CTBP1: variants seen among roughly 807,000 people sequenced by gnomAD.
CTBP1 encodes the protein C-terminal binding protein 1.
Under a neutral mutation model 42.1 loss-of-function variants are expected in CTBP1, and 11 were observed. The ratio of observed to expected loss-of-function variants is 0.26; its 90% confidence interval spans 0.16 to 0.43. The LOEUF (loss-of-function observed/expected upper bound fraction) is 0.43. Ranked by LOEUF, CTBP1 falls within the 20% of genes least tolerant of loss-of-function variation. The pLI is 1.00. For missense variants in CTBP1, 399 were observed against 624.3 expected (o/e 0.64, Z 3.85); for synonymous variants, 324 against 277.1 (o/e 1.17, Z -1.68).
rs1336971342 is a variant in CTBP1 at position 1,238,774 on chromosome 4, G to A, written c.8-437C>T. Among the ~76,000 whole-genome samples the A allele has an allele frequency of 6.7e-6, 1 of 150,336 alleles. No individual in the cohort carries two copies. Among genetic ancestry groups the A allele is most frequent in the African/African-American group, 2.5e-5 (1 of 40,790 alleles). ...TTCCAGACCCACCGAGACACCTCCCGACCCTCCTAGGCCCTCCAAGACCCT... is the reference window on the plus strand; with the variant it reads ...TTCCAGACCCACCGAGACACCTCCCAACCCTCCTAGGCCCTCCAAGACCCT... On this transcript the variant is annotated intron_variant, in intron 2 of 9. Transcript: ENST00000382952. This position sits in a 1 kb window ranked among gnomAD's most constrained non-coding sequence, Gnocchi z 5.9.
At chr4:1,234,676 G>A (rs936406081) in intron 3 of CTBP1, 10 of 152,214 alleles carry the variant, frequency 6.6e-5, no homozygotes, top group Admixed American at 2.6e-4. Flanking sequence ...TATTGTTTAC[G>A]ACACCAAAAG....
intron 5 of CTBP1, among the ~76,000 whole-genome samples, chr4:1,224,872 G>A (rs543345263): frequency 1.3e-5 from 2 of 152,062 alleles, no homozygotes; most frequent in East Asian, 3.9e-4. Context: ...TGGCATCTAT[G>A]ACATCCGTGC....
At chr4:1,214,512 C>T in intron 6 of CTBP1, 39 bp from the exon 7 acceptor site, 2 of 1,531,686 alleles carry the variant, frequency 1.3e-6, no homozygotes, top group Non-Finnish European at 1.7e-6. Flanking sequence ...AGTCAGGGAT[C>T]CGCACAGGGC....
Position 1,216,565 on chromosome 4 carries a change from C to T in CTBP1, c.515-360G>A, listed in dbSNP as rs114158996. The T allele has an allele frequency of 5.5e-4, 215 of 391,056 alleles. 2 individuals are homozygous for T. Among genetic ancestry groups the T allele is most frequent in the African/African-American group, 3.4e-3 (170 of 49,652 alleles). The allele number at this position is 391,056 out of a possible 1,614,324, so 24.2% of individuals were successfully genotyped here. A position where few individuals can be genotyped will look rare whatever the true frequency, so the allele number is the denominator to read the frequency against. On this transcript the variant is annotated intron_variant, in intron 5 of 9. Coordinates refer to ENST00000382952, the MANE Select transcript of CTBP1 (RefSeq NM_001012614.2). ...CTCCACCCACCCAACACATGTCCTC[C>T]GTGCCCAGGCCCCTCCGCTGGCCTT...
chr4:1,222,683 C>T (rs1301029219), intron 5 of CTBP1, among the ~76,000 whole-genome samples: 3 of 152,154 alleles, frequency 2.0e-5, no homozygotes, highest in Non-Finnish European at 4.4e-5. Flanking sequence ...GAGGGCATCC[C>T]GACCTGGGTG....
chr4:1,214,198 C>A lies in CTBP1; in HGVS notation c.860+145G>T, dbSNP rs557957046. On this transcript the variant is annotated intron_variant, in intron 7 of 9. Transcript: ENST00000382952. ...CCGTGGCTCCATCCTCACCCCGCAG[C>A]GGGCGGCAAACTCCCCCACTGCTGG... 83 of 1,092,708 alleles carry A rather than the reference C, an allele frequency of 7.6e-5. No homozygotes were observed. In the African/African-American group the frequency reaches 1.1e-3, roughly 14 times the overall value. 67.7% of individuals were successfully genotyped at this position (1,092,708 alleles called of 1,614,324 possible).
rs919699281 is a variant in CTBP1, at chr4:1,238,761, C to T, written c.8-424G>A. On this transcript the variant is annotated intron_variant, in intron 2 of 9. Coordinates refer to ENST00000382952, the MANE Select transcript of CTBP1 (RefSeq NM_001012614.2). This position sits in a 1 kb window ranked among gnomAD's most constrained non-coding sequence, Gnocchi z 5.9. The stretch of plus-strand genomic sequence containing the variant: ...CTCCCCAAGACATTTCCAGACCCAC[C>T]GAGACACCTCCCGACCCTCCTAGGC... 9.9e-5 allele frequency among the ~76,000 whole-genome samples: 15 copies of T among 151,364 alleles called. No homozygotes were observed. The highest frequency in any genetic ancestry group is 1.9e-4 in the East Asian group (1 of 5,130).
intron 1 of CTBP1, chr4:1,245,735 C>T (rs1221005859): frequency 9.4e-6 from 9 of 960,486 alleles, no homozygotes; most frequent in Admixed American, 6.2e-5. Context: ...CAGGGTGGCA[C>T]GTGTGGGTAG....
intron 1 of CTBP1, chr4:1,243,533 A>AG: frequency 2.0e-6 from 2 of 985,366 alleles, no homozygotes; most frequent in Non-Finnish European, 2.4e-6. Flanking sequence ...GCCCTGGGGT[A>AG]GGTCTGCCCA....
At chr4:1,216,351 C>A (rs914424653) in intron 5 of CTBP1, 146 bp from the exon 6 acceptor site, 1 of 787,264 alleles carries the variant, frequency 1.3e-6, no homozygotes, top group Non-Finnish European at 2.0e-6. Context: ...AAGGTGCCCA[C>A]GCACGCTCCA....
At chr4:1,242,721 G>A (rs895115900) in intron 1 of CTBP1, 8 of 985,034 alleles carry the variant, frequency 8.1e-6, no homozygotes, top group African/African-American at 7.0e-5. Context: ...CATCACCTGC[G>A]CCTGAGCCCC....
At chr4:1,215,445 G>T in intron 6 of CTBP1, 2 of 201,356 alleles carry the variant, frequency 9.9e-6, no homozygotes, top group East Asian at 2.6e-4. Flanking sequence ...CCAGCGGGAG[G>T]CAGCCATCCC....
At chr4:1,223,814 C>G (rs989299785) in intron 5 of CTBP1, among the ~76,000 whole-genome samples, 1 of 152,200 alleles carries the variant, frequency 6.6e-6, no homozygotes, top group Non-Finnish European at 1.5e-5. Flanking sequence ...ATCTCACACA[C>G]GCACACACAC....
intron 1 of CTBP1, among the ~76,000 whole-genome samples, chr4:1,247,851 A>C (rs1477875204): frequency 6.6e-6 from 1 of 151,900 alleles, no homozygotes; most frequent in Non-Finnish European, 1.5e-5. Context: ...CCCAACTCTC[A>C]GGGTTTCACC....
chr4:1,238,444 G>T lies in CTBP1; in HGVS notation c.8-107C>A, dbSNP rs368972603. 7.6e-7 allele frequency: 1 copy of T among 1,317,390 alleles called. No homozygotes were observed. The highest frequency in any genetic ancestry group is 1.5e-5 in the African/African-American group (1 of 67,848). The allele number at this position is 1,317,390 out of a possible 1,614,324, so 81.6% of individuals were successfully genotyped here. Reference sequence around the variant, plus strand: ...GGGCCAACGAGGGCCGACCGCCGGGGGTTTTCTGGTCTATATGTTGTGATA... The same window carrying T: ...GGGCCAACGAGGGCCGACCGCCGGGTGTTTTCTGGTCTATATGTTGTGATA... On this transcript the variant is annotated intron_variant, in intron 2 of 9. Coordinates refer to ENST00000382952, the MANE Select transcript of CTBP1 (RefSeq NM_001012614.2). The surrounding 1 kb of genome is among the most constrained non-coding windows in gnomAD (Gnocchi z 5.9).
chr4:1,241,978 C>T (rs1732225684), intron 1 of CTBP1: 1 of 1,013,890 alleles, frequency 9.9e-7, no homozygotes, highest in Non-Finnish European at 1.2e-6. Context: ...GGACGTGGAA[C>T]TTCCCAGGAG....
intron 3 of CTBP1, 145 bp from the exon 4 acceptor site, chr4:1,228,488 T>G: frequency 9.6e-7 from 1 of 1,036,926 alleles, no homozygotes; most frequent in South Asian, 1.6e-5. Flanking sequence ...TGGGAGAGGC[T>G]ACATGAAGGC....
intron 5 of CTBP1, among the ~76,000 whole-genome samples, chr4:1,222,943 C>A (rs535760311): frequency 3.3e-4 from 49 of 150,346 alleles, no homozygotes; most frequent in Non-Finnish European, 5.3e-4. Flanking sequence ...ATACCCCCCC[C>A]ACATCCCACA....
At chr4:1,215,879 C>G (rs908959156) in intron 6 of CTBP1, 112 bp downstream of exon 6, 2 of 1,215,112 alleles carry the variant, frequency 1.6e-6, no homozygotes, top group African/African-American at 3.0e-5. Context: ...ATGTGGCTCG[C>G]TGAAGGCAGG....
Sources: gnomAD v4.1 joint callset for allele counts (sites outside exome capture counted in the v4.1 genomes callset) on GRCh38, gnomAD v4.1.1 for gene constraint, Gnocchi (gnomAD v3.1) non-coding constraint, MANE v1.5 for transcripts, NCBI Gene and HGNC (gene_info 2026-07-23, HGNC 2026-07-21) for gene names.